The following SGCZ variants were observed in gnomAD, a reference collection of about 807,000 sequenced individuals.
SGCZ encodes zeta-sarcoglycan.
SGCZ carries 40 observed loss-of-function variants against 41.3 expected under a neutral mutation model. That is an observed-to-expected ratio of 0.97 (90% confidence interval 0.75 to 1.26). SGCZ has a LOEUF of 1.26. Ranked by LOEUF, SGCZ falls within the 50% of genes most tolerant of loss-of-function variation. SGCZ has a pLI of 0.00. For missense variants in SGCZ, 552 were observed against 369.8 expected, an observed-to-expected ratio of 1.49 and a Z score of -4.04; for synonymous variants, 206 against 137.5, an observed-to-expected ratio of 1.50 and a Z score of -3.49.
intron 1 of SGCZ, among the ~76,000 whole-genome samples, chr8:14,893,203 A>T (rs1328868919): frequency 6.6e-6 from 1 of 152,140 alleles, no homozygotes; most frequent in Non-Finnish European, 1.5e-5. Flanking sequence ...GGACTACAAG[A>T]GTAGGGTCAG....
At chr8:14,888,202 G>A (rs1363196910) in intron 1 of SGCZ, among the ~76,000 whole-genome samples, 1 of 152,158 alleles carries the variant, frequency 6.6e-6, no homozygotes, top group East Asian at 1.9e-4. Context: ...ACACATAGTA[G>A]TGACCTTTAT....
At chr8:14,717,062 C>A (rs1809713556) in intron 1 of SGCZ, among the ~76,000 whole-genome samples, 1 of 151,938 alleles carries the variant, frequency 6.6e-6, no homozygotes, top group South Asian at 2.1e-4. Flanking sequence ...TCGAACAATT[C>A]CTTTTTTATG....
At chr8:14,511,339 T>G (rs1348490729) in intron 2 of SGCZ, among the ~76,000 whole-genome samples, 1 of 152,068 alleles carries the variant, frequency 6.6e-6, no homozygotes, top group Non-Finnish European at 1.5e-5. Flanking sequence ...ATTGGGAGAT[T>G]TTACTTTTAA....
intron 3 of SGCZ, among the ~76,000 whole-genome samples, chr8:14,304,859 T>C (rs1563246651): frequency 1.3e-5 from 2 of 152,166 alleles, no homozygotes; most frequent in South Asian, 2.1e-4. Context: ...ATTATGGATA[T>C]AATTTGGTTA....
chr8:15,084,396 G>A (rs1044980237), intron 1 of SGCZ, among the ~76,000 whole-genome samples: 2 of 152,090 alleles, frequency 1.3e-5, no homozygotes, highest in East Asian at 1.9e-4. Context: ...ATAAATGTGC[G>A]AAGACATTAA....
Position 14,789,408 on chromosome 8 carries a change from T to C in SGCZ, c.40-234482A>G, listed in dbSNP as rs1182363519. Among the ~76,000 whole-genome samples the C allele has an allele frequency of 9.9e-5, 15 of 152,216 alleles. 1 individual carries two copies. Among genetic ancestry groups the C allele is most frequent in the Admixed American group, 9.8e-4 (15 of 15,266 alleles). On this transcript the variant is annotated intron_variant, in intron 1 of 7. Coordinates refer to ENST00000382080, the MANE Select transcript of SGCZ (RefSeq NM_139167.4). ...CAAATGACTGTAATGGATCCCCAAG[T>C]ATTGATCTTTGTGTTTCAAATAAAT...
At chr8:14,489,866 CCT>C (rs1491488479) in intron 2 of SGCZ, among the ~76,000 whole-genome samples, 1 of 137,480 alleles carries the variant, frequency 7.3e-6, no homozygotes, top group African/African-American at 2.9e-5. Context: ...AATTCTCCTA[CCT>C]TTTTTTTTTT....
chr8:14,862,814 G>T (rs1256978185), intron 1 of SGCZ, among the ~76,000 whole-genome samples: 3 of 151,766 alleles, frequency 2.0e-5, no homozygotes, highest in Admixed American at 2.0e-4. Flanking sequence ...TTCCCCTCTA[G>T]ACACAGTCAC....
At chr8:15,227,357 A>G (rs1801811739) in intron 1 of SGCZ, among the ~76,000 whole-genome samples, 2 of 152,228 alleles carry the variant, frequency 1.3e-5, no homozygotes, top group South Asian at 4.1e-4. Flanking sequence ...TAATGCATAT[A>G]CATAGAAAAT....
At chr8:14,871,492 C>T (rs1275388723) in intron 1 of SGCZ, among the ~76,000 whole-genome samples, 1 of 151,986 alleles carries the variant, frequency 6.6e-6, no homozygotes, top group East Asian at 1.9e-4. Flanking sequence ...ACCCAAATGA[C>T]CATCAATGAT....
At chr8:14,726,671 G>C (rs1332706953) in intron 1 of SGCZ, among the ~76,000 whole-genome samples, 4 of 151,432 alleles carry the variant, frequency 2.6e-5, no homozygotes, top group African/African-American at 4.9e-5. Flanking sequence ...ATACAGAATA[G>C]ATTAATAAAT....
At chr8:14,971,794 C>G (rs900164502) in intron 1 of SGCZ, among the ~76,000 whole-genome samples, 15 of 151,670 alleles carry the variant, frequency 9.9e-5, no homozygotes, top group African/African-American at 3.6e-4. Context: ...GGACCACAGG[C>G]GCATGCCACA....
chr8:14,569,581 C>A (rs972078998), intron 1 of SGCZ, among the ~76,000 whole-genome samples: 4 of 152,146 alleles, frequency 2.6e-5, no homozygotes, highest in Admixed American at 2.0e-4. Context: ...AAATCCCTGT[C>A]ATCATGGGGT....
At chr8:14,890,131 C>G (rs1049295137) in intron 1 of SGCZ, among the ~76,000 whole-genome samples, 1 of 151,782 alleles carries the variant, frequency 6.6e-6, no homozygotes, top group Admixed American at 6.6e-5. Flanking sequence ...GCAGGTGAAT[C>G]GCTTCAACGT....
chr8:14,863,116 G>T (rs372484539), intron 1 of SGCZ, among the ~76,000 whole-genome samples: 17 of 152,182 alleles, frequency 1.1e-4, no homozygotes, highest in African/African-American at 3.9e-4. Context: ...ACACTGACTT[G>T]CCTTAGGTCA....
At chr8:14,774,047 T>C (rs1435281178) in intron 1 of SGCZ, among the ~76,000 whole-genome samples, 1 of 152,212 alleles carries the variant, frequency 6.6e-6, no homozygotes, top group African/African-American at 2.4e-5. Flanking sequence ...TCAAGCATTA[T>C]TCCGAGTGTT....
At position 15,172,152 on chromosome 8, in the gene SGCZ, C is replaced by CGGTTTT. The variant is rs1322884184; in HGVS notation, c.39+65432_39+65433insAAAACC. On this transcript the variant is annotated intron_variant, in intron 1 of 7. Coordinates refer to ENST00000382080, the MANE Select transcript of SGCZ (RefSeq NM_139167.4). The stretch of plus-strand genomic sequence containing the variant: ...AAAGGAAAAAAATGCCTTTTATACT[C>CGGTTTT]TGTTTTTTTTTTTTTTTTTTTTTTT... Among the ~76,000 whole-genome samples, 237 of 70,450 alleles carry CGGTTTT rather than the reference C, an allele frequency of 3.4e-3. 9 individuals carry two copies. The highest frequency in any genetic ancestry group is 9.8e-3 in the Middle Eastern group (1 of 102). The allele number at this position is 70,450 out of a possible 152,430, so 46.2% of individuals were successfully genotyped here.
intron 1 of SGCZ, among the ~76,000 whole-genome samples, chr8:14,852,498 T>C (rs554205655): frequency 6.6e-6 from 1 of 152,314 alleles, no homozygotes; most frequent in Non-Finnish European, 1.5e-5. Context: ...AATCAAAAAT[T>C]AATTCAACAA....
chr8:15,118,755 T>C (rs1319236252), intron 1 of SGCZ, among the ~76,000 whole-genome samples: 2 of 152,140 alleles, frequency 1.3e-5, no homozygotes. Context: ...AAAGGCACCC[T>C]AGGAACTTAG....
Sources: gnomAD v4.1 joint callset for allele counts (sites outside exome capture counted in the v4.1 genomes callset) on GRCh38, gnomAD v4.1.1 for gene constraint, MANE v1.5 for transcripts, NCBI Gene and HGNC (gene_info 2026-07-23, HGNC 2026-07-21) for gene names.